URGCP: variants seen among roughly 807,000 people sequenced by gnomAD.
URGCP encodes the protein up-regulator of cell proliferation.
Under a neutral mutation model 24.6 loss-of-function variants are expected in URGCP, and 13 were observed. That is an observed-to-expected ratio of 0.53 (90% CI 0.34 to 0.84). The LOEUF is 0.84. Ranked by LOEUF, URGCP falls within the 40% of genes least tolerant of loss-of-function variation. The pLI is 0.01. For missense variants in URGCP, 899 were observed against 1,194.3 expected (o/e 0.75, Z 3.64); for synonymous variants, 444 against 487.2 (o/e 0.91, Z 1.17).
In URGCP at chr7:43,877,534, A is replaced by C; in HGVS notation, c.1929T>G (p.Phe643Leu). ...CCGAGGCCAAGCCTGGGAAGTGGGC[A>C]AAACGCCTCTGGCCTGCCGGCAGCC... ...AGRLPAGQRRFAHFPGLASEL... is the reference protein window; with the variant it reads ...AGRLPAGQRRLAHFPGLASEL... Residue 643 changes from phenylalanine (F) to leucine (L), a missense_variant, in exon 6 of 6, where the codon TTT (phenylalanine) becomes TTG (leucine). Phe to Leu is a conservative substitution (Grantham distance 22). Coordinates refer to ENST00000453200, the MANE Select transcript of URGCP (RefSeq NM_001077663.3). 1 of 1,613,324 alleles carries C rather than the reference A, an allele frequency of 6.2e-7. No homozygotes were observed. The highest frequency in any genetic ancestry group is 8.5e-7 in the Non-Finnish European group (1 of 1,180,024).
At chr7:43,883,837 T>C (rs2095858340) in intron 3 of URGCP, among the ~76,000 whole-genome samples, 1 of 151,710 alleles carries the variant, frequency 6.6e-6, no homozygotes, top group Non-Finnish European at 1.5e-5. Context: ...GAAAATGGGG[T>C]CCAGGAAGCA....
rs1381309121 is a variant in URGCP at position 43,913,374 on chromosome 7, A to AT, written c.-116+12757dup. On this transcript the variant is annotated intron_variant, in intron 1 of 5. Transcript: ENST00000426198. ...CAGGCGCCTGCCACCACTCCCGGCTATTTTTTTTTTTTATTTTTTATTTTT... is the reference window on the plus strand; with the variant it reads ...CAGGCGCCTGCCACCACTCCCGGCTATTTTTTTTTTTTTATTTTTTATTTTT... Among the ~76,000 whole-genome samples the AT allele has an allele frequency of 9.5e-3, 1,371 of 144,556 alleles. 14 individuals carry two copies. Among genetic ancestry groups the AT allele is most frequent in the African/African-American group, 0.029 (1,143 of 39,718 alleles). The allele number at this position is 144,556 out of a possible 152,430, so 94.8% of individuals were successfully genotyped here. A position where few individuals can be genotyped will look rare whatever the true frequency, so the allele number is the denominator to read the frequency against.
At chr7:43,923,489 T>C (rs947132547) in intron 1 of URGCP, among the ~76,000 whole-genome samples, 1 of 152,174 alleles carries the variant, frequency 6.6e-6, no homozygotes, top group African/African-American at 2.4e-5. Flanking sequence ...GGGTTCGCTA[T>C]GTTGCCCAAT....
chr7:43,897,255 T>C (rs1274147858), intron 1 of URGCP, among the ~76,000 whole-genome samples: 1 of 152,146 alleles, frequency 6.6e-6, no homozygotes, highest in East Asian at 1.9e-4. Context: ...TGCTAGAAGA[T>C]GTTAAGTGCT....
At chr7:43,886,663 G>C (rs2095862664) in intron 3 of URGCP, among the ~76,000 whole-genome samples, 2 of 152,174 alleles carry the variant, frequency 1.3e-5, no homozygotes, top group African/African-American at 4.8e-5. Flanking sequence ...TGAGGCAGCA[G>C]AATCACTTGA....
rs189918376 is a variant in URGCP, at chr7:43,894,588, G to A, written c.15-6772C>T. 2.7e-3 allele frequency among the ~76,000 whole-genome samples: 412 copies of A among 151,882 alleles called. 1 individual carries two copies. The highest frequency in any genetic ancestry group is 9.5e-3 in the African/African-American group (395 of 41,412). ...GTTGCCCGGCTGATGTCAAACTCCT[G>A]GACTCAAGCAATCTACCTGTCTCGG... On this transcript the variant is annotated intron_variant, in intron 1 of 5. Transcript: ENST00000453200.
chr7:43,904,350 G>A (rs756859511), intron 1 of URGCP, among the ~76,000 whole-genome samples: 4 of 152,152 alleles, frequency 2.6e-5, no homozygotes, highest in African/African-American at 9.7e-5. Context: ...AATGGTCAGC[G>A]TTTCTTCTTT....
chr7:43,878,265 A>G lies in URGCP; in HGVS notation c.1198T>C (p.Phe400Leu), dbSNP rs1381820064. The change falls in exon 6 of 6, where the codon TTT (phenylalanine) becomes CTT (leucine). Residue 400 changes from phenylalanine (F) to leucine (L), a missense_variant. Coordinates refer to ENST00000453200, the MANE Select transcript of URGCP (RefSeq NM_001077663.3). The surrounding 1 kb of genome is among the most constrained non-coding windows in gnomAD (Gnocchi z 5.6). Reference protein sequence around the residue: ...YRGKRNTNLRFLNKLIPVLKI... With the variant: ...YRGKRNTNLRLLNKLIPVLKI... ...AGCACAGGAATTAACTTATTCAGAA[A>G]TCTCAGGTTTGTGTTGCGCTTCCCA... is the stretch of plus-strand genomic sequence containing the variant. 2 of 1,614,174 alleles carry G rather than the reference A, an allele frequency of 1.2e-6. No individual in the cohort carries two copies. Among genetic ancestry groups the G allele is most frequent in the East Asian group, 4.5e-5 (2 of 44,886 alleles).
upstream of URGCP, chr7:43,926,665 T>A: frequency 8.2e-7 from 1 of 1,216,450 alleles, no homozygotes; most frequent in Non-Finnish European, 1.1e-6. Flanking sequence ...GAGTCGCGGA[T>A]ACACCTGCCT....
chr7:43,918,960 G>A (rs2095918878), intron 1 of URGCP: 1 of 1,341,662 alleles, frequency 7.5e-7, no homozygotes, highest in Non-Finnish European at 1.1e-6. Context: ...CTACAACCCA[G>A]AGAACATCTA....
intron 1 of URGCP, chr7:43,888,102 T>C (rs1375684610): frequency 9.4e-6 from 3 of 318,954 alleles, no homozygotes; most frequent in Non-Finnish European, 5.7e-6. Context: ...TATAGGTATA[T>C]ATACAGAACT....
intron 1 of URGCP, among the ~76,000 whole-genome samples, chr7:43,893,802 C>A (rs554187370): frequency 6.6e-6 from 1 of 152,028 alleles, no homozygotes; most frequent in Admixed American, 6.6e-5. Context: ...ACCCGGGAGA[C>A]GGAGGTTGCA....
intron 1 of URGCP, among the ~76,000 whole-genome samples, chr7:43,899,524 G>A (rs1585819887): frequency 6.6e-6 from 1 of 151,706 alleles, no homozygotes; most frequent in African/African-American, 2.4e-5. Context: ...TAACAATCAG[G>A]AAAATTTTGA....
At chr7:43,882,095 T>C in intron 3 of URGCP, 138 bp from the exon 4 acceptor site, 1 of 1,438,254 alleles carries the variant, frequency 7.0e-7, no homozygotes, top group Non-Finnish European at 9.2e-7. Flanking sequence ...TCCAGGAGTT[T>C]GAGACCAGCC....
At chr7:43,904,955 A>C (rs1196841357) in intron 1 of URGCP, among the ~76,000 whole-genome samples, 1 of 152,210 alleles carries the variant, frequency 6.6e-6, no homozygotes, top group Non-Finnish European at 1.5e-5. Context: ...GTGGTGCATG[A>C]CTTGTATACT....
chr7:43,913,498 G>A (rs546424196), intron 1 of URGCP, among the ~76,000 whole-genome samples: 4 of 152,114 alleles, frequency 2.6e-5, no homozygotes, highest in South Asian at 2.1e-4. Context: ...GATTATAGGC[G>A]TGAACCACCG....
Position 43,887,446 on chromosome 7 carries a change from T to G in URGCP, c.81A>C (p.Ala27=), listed in dbSNP as rs1442373421. 1 of 1,613,986 alleles carries G rather than the reference T, an allele frequency of 6.2e-7. No individual in the cohort carries two copies. ...DLGEVAPEIK[A]SERRTAVAIA... ...TGGCCACAGCTGTTCGTCTCTCTGATGCTTTTATTTCTGGGGCTACTTCTC... is the reference window on the plus strand; with the variant it reads ...TGGCCACAGCTGTTCGTCTCTCTGAGGCTTTTATTTCTGGGGCTACTTCTC... Residue 27 remains alanine, a synonymous_variant, in exon 3 of 6, where the codon GCA becomes GCC. Transcript: ENST00000453200.
intron 1 of URGCP, chr7:43,906,104 G>A (rs1157279706): frequency 1.3e-5 from 2 of 152,114 alleles, no homozygotes; most frequent in Non-Finnish European, 2.9e-5. Flanking sequence ...GCAAACAAGC[G>A]TCCACTCCCA....
intron 1 of URGCP, chr7:43,918,710 T>G: frequency 1.4e-6 from 1 of 707,152 alleles, no homozygotes; most frequent in South Asian, 1.7e-5. Context: ...CCAAGAGAAA[T>G]CATCACCCAC....
Sources: allele counts gnomAD v4.1 joint callset (sites outside exome capture counted in the v4.1 genomes callset), GRCh38; gene constraint gnomAD v4.1.1; non-coding constraint Gnocchi (gnomAD v3.1); transcripts MANE v1.5; gene names NCBI Gene and HGNC (gene_info 2026-07-23, HGNC 2026-07-21).